Variants in GNA14 observed in about 807,000 individuals in gnomAD.
GNA14 encodes the protein G protein subunit alpha 14.
GNA14 carries 50 observed loss-of-function variants against 42.0 expected under a neutral mutation model. The observed-to-expected ratio is 1.19, with a 90% CI of 0.95 to 1.51. GNA14 has a LOEUF of 1.51. GNA14 is among the 40% of genes most tolerant of loss of function. The pLI is 0.00. For synonymous variants in GNA14, 173 were observed against 163.1 expected, an observed-to-expected ratio of 1.06 and a Z score of -0.46; for missense variants, 473 against 446.2, an observed-to-expected ratio of 1.06 and a Z score of -0.54.
intron 1 of GNA14, among the ~76,000 whole-genome samples, chr9:77,571,809 A>G (rs1823065204): frequency 6.6e-6 from 1 of 151,660 alleles, no homozygotes; most frequent in African/African-American, 2.4e-5. Flanking sequence ...TTAAGGACTT[A>G]TTATTTTTAA....
At chr9:77,469,787 T>G (rs2131720293) in intron 2 of GNA14, among the ~76,000 whole-genome samples, 1 of 152,348 alleles carries the variant, frequency 6.6e-6, no homozygotes, top group East Asian at 1.9e-4. Context: ...TGGTTCTGGT[T>G]CACTCATCAG....
intron 1 of GNA14, among the ~76,000 whole-genome samples, chr9:77,573,079 C>T (rs1198538055): frequency 6.6e-6 from 1 of 152,108 alleles, no homozygotes; most frequent in East Asian, 1.9e-4. Flanking sequence ...TCCTTGAATG[C>T]TTTCAGAGAA....
chr9:77,513,546 G>T (rs1187616543), intron 2 of GNA14, among the ~76,000 whole-genome samples: 1 of 152,198 alleles, frequency 6.6e-6, no homozygotes. Flanking sequence ...GGGAGCTCAC[G>T]AAGTACTGGA....
intron 2 of GNA14, among the ~76,000 whole-genome samples, chr9:77,495,246 G>A (rs1312430587): frequency 1.3e-5 from 2 of 151,956 alleles, no homozygotes; most frequent in Non-Finnish European, 2.9e-5. Context: ...AGGAGTTGTG[G>A]GGGAAAAAAC....
chr9:77,620,774 C>T lies in GNA14; in HGVS notation c.124+26896G>A, dbSNP rs145486446. Reference sequence around the variant, plus strand: ...AGGCAGGAGAATTTGTTTGAACGCGCGAGGTGGAGGTTGCAGTGAGCCAAG... The same window carrying T: ...AGGCAGGAGAATTTGTTTGAACGCGTGAGGTGGAGGTTGCAGTGAGCCAAG... On this transcript the variant is annotated intron_variant, in intron 1 of 6. Coordinates refer to ENST00000341700, the MANE Select transcript of GNA14 (RefSeq NM_004297.4). Among the ~76,000 whole-genome samples, 655 of 140,212 alleles carry T rather than the reference C, an allele frequency of 4.7e-3. 4 individuals carry two copies. The highest frequency in any genetic ancestry group is 8.1e-3 in the Middle Eastern group (2 of 248). 92.0% of individuals were successfully genotyped at this position (140,212 alleles called of 152,430 possible).
intron 2 of GNA14, among the ~76,000 whole-genome samples, chr9:77,436,002 G>A (rs1835634528): frequency 6.6e-6 from 1 of 152,236 alleles, no homozygotes; most frequent in South Asian, 2.1e-4. Context: ...CTCAAGTGTA[G>A]ACGGTACCTC....
chr9:77,569,173 G>T (rs1335294876), intron 1 of GNA14, among the ~76,000 whole-genome samples: 4 of 150,906 alleles, frequency 2.7e-5, no homozygotes, highest in Admixed American at 6.6e-5. Flanking sequence ...TTTAAATGGG[G>T]TTGGGAAAAA....
intron 2 of GNA14, among the ~76,000 whole-genome samples, chr9:77,447,474 C>A (rs1835839999): frequency 6.6e-6 from 1 of 152,166 alleles, no homozygotes. Flanking sequence ...GGAGAGAATT[C>A]TATTTCTTTT....
At chr9:77,529,509 C>T (rs1587819027) in intron 1 of GNA14, among the ~76,000 whole-genome samples, 1 of 152,144 alleles carries the variant, frequency 6.6e-6, no homozygotes, top group Non-Finnish European at 1.5e-5. Flanking sequence ...AACAGGCAAC[C>T]ATGTCTGAAA....
chr9:77,522,847 G>A (rs910499623), intron 2 of GNA14, among the ~76,000 whole-genome samples: 2 of 152,180 alleles, frequency 1.3e-5, no homozygotes, highest in Non-Finnish European at 2.9e-5. Context: ...GTAGGAAGAG[G>A]AGGAACTCCA....
In GNA14 at chr9:77,523,984, C is replaced by T. The variant is rs181900151; in HGVS notation, c.309+5085G>A. On this transcript the variant is annotated intron_variant, in intron 2 of 6. Coordinates refer to ENST00000341700, the MANE Select transcript of GNA14 (RefSeq NM_004297.4). Reference sequence around the variant, plus strand: ...AGCAAAAATTATGATGCTTTTCTGGCTTCTGTGAAATCATCACAAGTAAAC... The same window carrying T: ...AGCAAAAATTATGATGCTTTTCTGGTTTCTGTGAAATCATCACAAGTAAAC... Among the ~76,000 whole-genome samples, 76 of 152,286 alleles carry T rather than the reference C, an allele frequency of 5.0e-4. 1 individual carries two copies. The highest frequency in any genetic ancestry group is 9.1e-4 in the Non-Finnish European group (62 of 68,028).
At chr9:77,445,562 AAAAAAAAAAAAG>A (rs1835802188) in intron 2 of GNA14, among the ~76,000 whole-genome samples, 1 of 149,458 alleles carries the variant, frequency 6.7e-6, no homozygotes, top group South Asian at 2.1e-4. Context: ...GAAAAAAAAA[AAAAAAAAAAAAG>A]AAAGGAAAAG....
At chr9:77,597,766 T>TAA (rs927680579) in intron 1 of GNA14, among the ~76,000 whole-genome samples, 7 of 152,070 alleles carry the variant, frequency 4.6e-5, no homozygotes, top group Admixed American at 3.9e-4. Flanking sequence ...AATTTTCTAT[T>TAA]AAAAAACTTT....
intron 2 of GNA14, among the ~76,000 whole-genome samples, chr9:77,459,667 A>G (rs1264680741): frequency 6.6e-6 from 1 of 152,162 alleles, no homozygotes; most frequent in East Asian, 1.9e-4. Flanking sequence ...TCTGCTACTT[A>G]TAAGCTATTA....
chr9:77,492,570 G>C (rs920200631), intron 2 of GNA14, among the ~76,000 whole-genome samples: 1 of 152,050 alleles, frequency 6.6e-6, no homozygotes, highest in Admixed American at 6.6e-5. Context: ...TAGAAAAAAA[G>C]GATACATTCC....
At chr9:77,577,415 A>C (rs1245516479) in intron 1 of GNA14, among the ~76,000 whole-genome samples, 1 of 152,224 alleles carries the variant, frequency 6.6e-6, no homozygotes, top group Non-Finnish European at 1.5e-5. Context: ...AACTGGCTTT[A>C]TCCTCCATCT....
chr9:77,640,892 AC>A lies in GNA14; in HGVS notation c.124+6777del, dbSNP rs1331769927. On this transcript the variant is annotated intron_variant, in intron 1 of 6. Transcript: ENST00000341700. ...TGCTCAAAAAAAAAAAAAAAAAAAA[AC>A]AACAGACAGAGGCATGTCACAGTGA... Among the ~76,000 whole-genome samples the A allele has an allele frequency of 5.5e-3, 818 of 147,404 alleles. 9 individuals are homozygous for A. The highest frequency in any genetic ancestry group is 0.02 in the African/African-American group (766 of 38,776).
chr9:77,435,064 A>C (rs541158163), intron 2 of GNA14, among the ~76,000 whole-genome samples: 4 of 151,642 alleles, frequency 2.6e-5, no homozygotes, highest in South Asian at 2.1e-4. Context: ...AAAAAAAAAA[A>C]AAAAAAAACA....
At chr9:77,624,160 C>T (rs537942173) in intron 1 of GNA14, among the ~76,000 whole-genome samples, 1 of 152,152 alleles carries the variant, frequency 6.6e-6, no homozygotes, top group Non-Finnish European at 1.5e-5. Context: ...CAGGGAAGTT[C>T]CAACAGAGCA....
Sources: allele counts gnomAD v4.1 joint callset (sites outside exome capture counted in the v4.1 genomes callset), GRCh38; gene constraint gnomAD v4.1.1; transcripts MANE v1.5; gene names NCBI Gene and HGNC (gene_info 2026-07-23, HGNC 2026-07-21).